XKR4: variants seen among roughly 807,000 people sequenced by gnomAD.
XKR4 encodes the protein XK related 4, also known as XK-related protein 4.
A neutral mutation model predicts 53.9 loss-of-function variants in XKR4; 12 were observed. The observed-to-expected ratio is 0.22, with a 90% CI of 0.14 to 0.36. The LOEUF (loss-of-function observed/expected upper bound fraction) is 0.36, where lower values mean the gene tolerates loss of function less well. XKR4 is among the 10% of genes least tolerant of loss of function. The pLI, the probability that XKR4 is intolerant of heterozygous loss-of-function variation, is 1.00. For missense variants in XKR4, 799 were observed against 859.5 expected, an observed-to-expected ratio of 0.93 and a Z score of 0.88; for synonymous variants, 354 against 362.4, an observed-to-expected ratio of 0.98 and a Z score of 0.26.
chr8:55,176,383 T>C (rs1284432525), intron 1 of XKR4, among the ~76,000 whole-genome samples: 2 of 152,172 alleles, frequency 1.3e-5, no homozygotes, highest in Non-Finnish European at 2.9e-5. Context: ...TCCAGAGACA[T>C]GTTGAAAGGT....
At chr8:55,348,806 G>A (rs1363563509) in intron 1 of XKR4, among the ~76,000 whole-genome samples, 3 of 151,736 alleles carry the variant, frequency 2.0e-5, no homozygotes, top group Non-Finnish European at 4.4e-5. Context: ...AGACAGACAA[G>A]TAGATAGAGA....
At chr8:55,458,585 CAGA>C (rs1426895918) in intron 2 of XKR4, among the ~76,000 whole-genome samples, 3 of 152,168 alleles carry the variant, frequency 2.0e-5, no homozygotes, top group Admixed American at 1.3e-4. Flanking sequence ...ATGGTAAATG[CAGA>C]AGATTTTATT....
At chr8:55,451,403 C>T in intron 2 of XKR4, 1 of 929,934 alleles carries the variant, frequency 1.1e-6, no homozygotes, top group Non-Finnish European at 1.7e-6. Context: ...GTGTTGCGTC[C>T]GGACGCACTG....
chr8:55,197,842 C>T (rs796271967), intron 1 of XKR4, among the ~76,000 whole-genome samples: 5 of 152,264 alleles, frequency 3.3e-5, no homozygotes, highest in African/African-American at 9.6e-5. Context: ...CACACCCAAC[C>T]GGGTTCAGCT....
At chr8:55,426,981 A>C (rs1026947829) in intron 2 of XKR4, among the ~76,000 whole-genome samples, 3 of 152,236 alleles carry the variant, frequency 2.0e-5, no homozygotes, top group African/African-American at 7.2e-5. Context: ...TACAGTTGCT[A>C]TTCACAGCAA....
At chr8:55,492,048 T>C (rs1190898635) in intron 2 of XKR4, among the ~76,000 whole-genome samples, 1 of 152,210 alleles carries the variant, frequency 6.6e-6, no homozygotes, top group South Asian at 2.1e-4. Context: ...ATCTGCCTTT[T>C]TCAGAGTAAT....
chr8:55,211,520 AT>A (rs1226941330), intron 1 of XKR4, among the ~76,000 whole-genome samples: 1 of 152,226 alleles, frequency 6.6e-6, no homozygotes, highest in Non-Finnish European at 1.5e-5. Context: ...ATGTCACTAT[AT>A]GAATTTCACT....
intron 2 of XKR4, among the ~76,000 whole-genome samples, chr8:55,423,052 C>T (rs112689945): frequency 0.013 from 2,005 of 151,854 alleles, 43 homozygotes; most frequent in African/African-American, 0.045. Context: ...TCTATTAAAT[C>T]AACAACAACA....
intron 1 of XKR4, among the ~76,000 whole-genome samples, chr8:55,209,040 A>C (rs1817688940): frequency 1.3e-5 from 2 of 152,172 alleles, no homozygotes; most frequent in Non-Finnish European, 2.9e-5. Flanking sequence ...TTTCAAATTA[A>C]TATCTTCCCA....
chr8:55,482,144 C>T (rs1215055986), intron 2 of XKR4, among the ~76,000 whole-genome samples: 5 of 152,062 alleles, frequency 3.3e-5, no homozygotes, highest in Non-Finnish European at 7.4e-5. Flanking sequence ...TTGGAACCAA[C>T]CCAAATGTCC....
At chr8:55,153,379 C>T (rs1816864096) in intron 1 of XKR4, among the ~76,000 whole-genome samples, 2 of 152,158 alleles carry the variant, frequency 1.3e-5, no homozygotes, top group South Asian at 4.2e-4. Flanking sequence ...AAGCATTGGA[C>T]TCTTAATGGA....
chr8:55,102,845 G>A lies in XKR4; in HGVS notation c.357G>A (p.Val119=). Residue 119 remains valine (V), a synonymous_variant, in exon 1 of 3, where the codon GTG becomes GTA. Transcript: ENST00000327381. The surrounding 1 kb of genome is among the most constrained non-coding windows in gnomAD (Gnocchi z 5.1). ...ACTGCCTCTGGATCCTGGCCGCCGT[G>A]GCCGTGTACTTCGCGGACGTGGGCA... is the stretch of plus-strand genomic sequence containing the variant. ...LWDCLWILAA[V]AVYFADVGTD... is the part of the protein sequence containing the mutation. 6.2e-7 allele frequency: 1 copy of A among 1,611,436 alleles called. No homozygotes were observed. Among genetic ancestry groups the A allele is most frequent in the South Asian group, 1.1e-5 (1 of 91,086 alleles).
At chr8:55,485,689 G>A (rs1258618628) in intron 2 of XKR4, among the ~76,000 whole-genome samples, 2 of 152,036 alleles carry the variant, frequency 1.3e-5, no homozygotes, top group Non-Finnish European at 2.9e-5. Flanking sequence ...GTGAACCACC[G>A]TACCCGGCCT....
chr8:55,388,849 C>T (rs1009989896), intron 2 of XKR4, among the ~76,000 whole-genome samples: 1 of 152,182 alleles, frequency 6.6e-6, no homozygotes, highest in African/African-American at 2.4e-5. Context: ...CATTTAATGA[C>T]ACGTAATTGA....
Position 55,102,387 on chromosome 8 carries a change from G to T in XKR4, c.-102G>T. 5.8e-6 allele frequency: 8 copies of T among 1,375,196 alleles called. No homozygotes were observed. In the South Asian group the frequency reaches 1.3e-4, roughly 22 times the overall value. 85.2% of individuals were successfully genotyped at this position (1,375,196 alleles called of 1,614,324 possible). On this transcript the variant is annotated 5_prime_UTR_variant, in exon 1 of 3. Coordinates refer to ENST00000327381, the MANE Select transcript of XKR4 (RefSeq NM_052898.2). The surrounding 1 kb of genome is among the most constrained non-coding windows in gnomAD (Gnocchi z 5.1). ...GAGCAGGAGGAGGGGGAGCCGCACCGCCTGGGAGGGAAGCCGGGGCGAGGC... is the reference window on the plus strand; with the variant it reads ...GAGCAGGAGGAGGGGGAGCCGCACCTCCTGGGAGGGAAGCCGGGGCGAGGC...
chr8:55,349,074 CA>C (rs1320224793), intron 1 of XKR4, among the ~76,000 whole-genome samples: 1 of 152,154 alleles, frequency 6.6e-6, no homozygotes, highest in Non-Finnish European at 1.5e-5. Context: ...TGAAAAAAAT[CA>C]ACTTATTTTT....
chr8:55,450,211 C>T, intron 2 of XKR4: 1 of 647,278 alleles, frequency 1.5e-6, no homozygotes, highest in Non-Finnish European at 2.8e-6. Context: ...CACCACACAG[C>T]ACCTGCTCTG....
intron 1 of XKR4, among the ~76,000 whole-genome samples, chr8:55,109,933 G>T (rs2129350823): frequency 6.6e-6 from 1 of 152,196 alleles, no homozygotes; most frequent in East Asian, 1.9e-4. Flanking sequence ...GAATGATATA[G>T]TCCACCTATG....
chr8:55,398,213 GA>G (rs1804550617), intron 2 of XKR4, among the ~76,000 whole-genome samples: 1 of 152,154 alleles, frequency 6.6e-6, no homozygotes, highest in Non-Finnish European at 1.5e-5. Context: ...AGCGTTCCCA[GA>G]AGTAGACCTG....
Sources: gnomAD v4.1 joint callset for allele counts (sites outside exome capture counted in the v4.1 genomes callset) on GRCh38, gnomAD v4.1.1 for gene constraint, Gnocchi (gnomAD v3.1) non-coding constraint, MANE v1.5 for transcripts, NCBI Gene and HGNC (gene_info 2026-07-23, HGNC 2026-07-21) for gene names.